MAP2: variants seen among roughly 807,000 people sequenced by gnomAD.
MAP2 encodes the protein microtubule-associated protein 2.
In MAP2, 14 loss-of-function variants were observed where a neutral mutation model predicts 137.6. That is an observed-to-expected ratio of 0.10 (90% CI 0.07 to 0.16). The LOEUF (loss-of-function observed/expected upper bound fraction) is 0.16. MAP2 is among the 10% of genes least tolerant of loss of function. The pLI is 1.00. For synonymous variants in MAP2, 786 were observed against 782.3 expected, an observed-to-expected ratio of 1.00 and a Z score of -0.08; for missense variants, 2,088 against 2,191.5, an observed-to-expected ratio of 0.95 and a Z score of 0.94.
chr2:209,473,543 A>G (rs1018698183), intron 1 of MAP2, among the ~76,000 whole-genome samples: 10 of 152,120 alleles, frequency 6.6e-5, no homozygotes, highest in African/African-American at 9.7e-5. Flanking sequence ...GTACAATTTT[A>G]TATTATGATT....
intron 2 of MAP2, among the ~76,000 whole-genome samples, chr2:209,528,923 C>A (rs1479038745): frequency 2.2e-5 from 3 of 135,398 alleles, no homozygotes; most frequent in African/African-American, 8.3e-5. Context: ...TACACACATA[C>A]ATATATATAC....
chr2:209,668,219 G>A (rs529016020), intron 5 of MAP2, among the ~76,000 whole-genome samples: 1 of 152,168 alleles, frequency 6.6e-6, no homozygotes, highest in East Asian at 1.9e-4. Context: ...TAATAGAGAT[G>A]GAATTCATGC....
intron 1 of MAP2, among the ~76,000 whole-genome samples, chr2:209,435,992 ATATAC>A (rs1227810574): frequency 8.0e-6 from 1 of 124,348 alleles, no homozygotes; most frequent in African/African-American, 2.8e-5. Context: ...AGTATATATT[ATATAC>A]TATATATACA....
At chr2:209,721,953 A>C (rs2071232207) in intron 13 of MAP2, 2 of 152,222 alleles carry the variant, frequency 1.3e-5, no homozygotes, top group Admixed American at 6.5e-5. Context: ...AGTACTAATC[A>C]AGCCCGATCC....
At chr2:209,720,778 AGTT>A (rs931159591) in intron 13 of MAP2, among the ~76,000 whole-genome samples, 14 of 151,898 alleles carry the variant, frequency 9.2e-5, no homozygotes, top group African/African-American at 2.9e-4. Context: ...GTTAAATAGT[AGTT>A]ATTTTTTTTC....
intron 2 of MAP2, among the ~76,000 whole-genome samples, chr2:209,514,255 A>G (rs1045090989): frequency 4.6e-5 from 7 of 152,256 alleles, no homozygotes; most frequent in South Asian, 2.1e-4. Context: ...CACCTTTTTC[A>G]TAAGTTTTCT....
At position 209,437,958 on chromosome 2, in the gene MAP2, A is replaced by G. The variant is rs1205602244; in HGVS notation, c.-222+13682A>G. ...TTCAACCAGATGTGGAACATAGACA[A>G]CACCTTGAGTGATGAGCCATAGGTA... is the stretch of plus-strand genomic sequence containing the variant. On this transcript the variant is annotated intron_variant, in intron 1 of 15. Coordinates refer to ENST00000682079, the MANE Select transcript of MAP2 (RefSeq NM_001375505.1). 3.3e-5 allele frequency among the ~76,000 whole-genome samples: 5 copies of G among 151,718 alleles called. No homozygotes were observed. The Admixed American group carries it at 3.3e-4, about 10-fold the overall frequency.
rs1289033026 is a variant in MAP2, at chr2:209,695,632, A to G, written c.3462A>G (p.Thr1154=). Residue 1154 remains threonine, a synonymous_variant, in exon 8 of 16, where the codon ACA becomes ACG. Coordinates refer to ENST00000682079, the MANE Select transcript of MAP2 (RefSeq NM_001375505.1). ...AAGCTGATGAGGGCAAGAAGGAAAC[A>G]TCTCCAGAATCATCTCTAATTCAAG... The part of the protein sequence containing the change: ...SLKADEGKKE[T]SPESSLIQDE... The G allele has an allele frequency of 6.2e-7, 1 of 1,614,102 alleles. No homozygotes were observed. The highest frequency in any genetic ancestry group is 8.5e-7 in the Non-Finnish European group (1 of 1,179,990).
At chr2:209,663,395 T>C (rs2044623191) in intron 5 of MAP2, among the ~76,000 whole-genome samples, 1 of 152,190 alleles carries the variant, frequency 6.6e-6, no homozygotes, top group African/African-American at 2.4e-5. Context: ...AACCGTGTCC[T>C]GCCGGCTCAC....
intron 3 of MAP2, among the ~76,000 whole-genome samples, chr2:209,611,742 A>G (rs1435891964): frequency 2.6e-5 from 4 of 152,106 alleles, no homozygotes; most frequent in Admixed American, 6.6e-5. Context: ...AGATTTATAA[A>G]GAACAAAGTA....
chr2:209,443,796 C>G (rs948230927), intron 1 of MAP2, among the ~76,000 whole-genome samples: 1 of 151,518 alleles, frequency 6.6e-6, no homozygotes, highest in African/African-American at 2.4e-5. Flanking sequence ...GAAGACTCAA[C>G]ATTTTCTAAA....
chr2:209,526,695 T>C (rs1000892468), intron 2 of MAP2, among the ~76,000 whole-genome samples: 4 of 148,532 alleles, frequency 2.7e-5, no homozygotes, highest in Non-Finnish European at 4.5e-5. Context: ...CTTGCAGAAG[T>C]ATTAGCTGAC....
rs770286139 is a variant in MAP2, at chr2:209,692,780, A to G, written c.610A>G (p.Thr204Ala). ...TGCCTTAGTTTCTCAGCCAGAGACAACTAAAACTTACCCTGATAAAAAGGA... is the reference window on the plus strand; with the variant it reads ...TGCCTTAGTTTCTCAGCCAGAGACAGCTAAAACTTACCCTGATAAAAAGGA... ...HAALVSQPET[T>A]KTYPDKKDMQ... The change falls in exon 8 of 16, where the codon ACT becomes GCT. Residue 204 changes from threonine (T) to alanine (A), a missense_variant. Physicochemically the swap from Thr to Ala is moderately conservative, Grantham distance 58. Coordinates refer to ENST00000682079, the MANE Select transcript of MAP2 (RefSeq NM_001375505.1). 1 of 1,614,040 alleles carries G rather than the reference A, an allele frequency of 6.2e-7. No individual in the cohort carries two copies. The highest frequency in any genetic ancestry group is 8.5e-7 in the Non-Finnish European group (1 of 1,179,962).
At chr2:209,595,699 G>GA (rs1160769463) in intron 3 of MAP2, among the ~76,000 whole-genome samples, 1 of 151,474 alleles carries the variant, frequency 6.6e-6, no homozygotes, top group African/African-American at 2.4e-5. Flanking sequence ...CAAAACCTTG[G>GA]ACACCCAAAT....
intron 6 of MAP2, among the ~76,000 whole-genome samples, chr2:209,679,881 A>T (rs1424212286): frequency 1.3e-5 from 2 of 152,156 alleles, no homozygotes; most frequent in African/African-American, 4.8e-5. Flanking sequence ...GAACTAAAAA[A>T]GTCACCTGTC....
chr2:209,637,192 C>T (rs2093640811), intron 4 of MAP2, among the ~76,000 whole-genome samples: 1 of 152,092 alleles, frequency 6.6e-6, no homozygotes, highest in Non-Finnish European at 1.5e-5. Context: ...CCTGTAATCC[C>T]ATCACTTTGG....
intron 7 of MAP2, among the ~76,000 whole-genome samples, chr2:209,685,354 G>C (rs1295407112): frequency 1.3e-5 from 2 of 151,880 alleles, no homozygotes; most frequent in African/African-American, 4.8e-5. Context: ...TCTGCATTGG[G>C]AGTGATCCAG....
In MAP2 at chr2:209,628,280, G is replaced by T. The variant is rs148907169; in HGVS notation, c.-30+3151G>T. ...CTCAGGAGGCTGAAGAAGGAGAATC[G>T]CTTGAACCCGGGAGACGGAGGTTGC... On this transcript the variant is annotated intron_variant, in intron 4 of 15. Transcript: ENST00000682079. 1.4e-3 allele frequency among the ~76,000 whole-genome samples: 206 copies of T among 152,238 alleles called. 3 individuals carry two copies. The East Asian group carries it at 0.037, about 28-fold the overall frequency.
intron 1 of MAP2, among the ~76,000 whole-genome samples, chr2:209,490,688 T>A (rs1469362319): frequency 2.0e-5 from 2 of 100,500 alleles, no homozygotes; most frequent in East Asian, 6.0e-4. Context: ...CCAACAAAGA[T>A]CAAAAAAGAC....
Sources: gnomAD v4.1 joint callset for allele counts (sites outside exome capture counted in the v4.1 genomes callset) on GRCh38, gnomAD v4.1.1 for gene constraint, MANE v1.5 for transcripts, NCBI Gene and HGNC (gene_info 2026-07-23, HGNC 2026-07-21) for gene names.